The following OR51B5 variants were observed in gnomAD, a reference collection of about 807,000 sequenced individuals.
OR51B5 encodes olfactory receptor 51B5.
For missense variants in OR51B5, 456 were observed against 374.6 expected (o/e 1.22, Z -1.79); for synonymous variants, 186 against 144.8 (o/e 1.28, Z -2.04).
At chr11:5,348,125 T>C (rs1460017407), upstream of OR51B5, among the ~76,000 whole-genome samples, 1 of 152,142 alleles carries the variant, frequency 6.6e-6, no homozygotes, top group Non-Finnish European at 1.5e-5. Context: ...AGAGTAGATA[T>C]ATGTAGTAGG....
chr11:5,465,515 A>C (rs1424412462), intron 1 of OR51B5, among the ~76,000 whole-genome samples: 1 of 151,716 alleles, frequency 6.6e-6, no homozygotes, highest in African/African-American at 2.4e-5. Flanking sequence ...TCCTAAGCCA[A>C]AAGAACAAAG....
At chr11:5,346,549 G>C (rs1848993880), upstream of OR51B5, among the ~76,000 whole-genome samples, 1 of 152,162 alleles carries the variant, frequency 6.6e-6, no homozygotes, top group South Asian at 2.1e-4. Context: ...TAGAATAAGA[G>C]GTGCCTTCCT....
At chr11:5,399,781 CAAGA>C (rs1849939565) in intron 1 of OR51B5, among the ~76,000 whole-genome samples, 1 of 147,956 alleles carries the variant, frequency 6.8e-6, no homozygotes, top group Non-Finnish European at 1.5e-5. Flanking sequence ...AAAAAAAATG[CAAGA>C]AAGAAAAAAA....
intron 1 of OR51B5, among the ~76,000 whole-genome samples, chr11:5,376,448 G>C (rs1849529418): frequency 1.3e-5 from 2 of 151,974 alleles, no homozygotes; most frequent in Admixed American, 1.3e-4. Context: ...CAGAAGTCAA[G>C]AAATAACTAA....
At chr11:5,432,905 C>A (rs543232236) in intron 1 of OR51B5, among the ~76,000 whole-genome samples, 1 of 152,226 alleles carries the variant, frequency 6.6e-6, no homozygotes, top group African/African-American at 2.4e-5. Context: ...TGAGTTTTAG[C>A]TTTGACAACG....
upstream of OR51B5, among the ~76,000 whole-genome samples, chr11:5,344,278 A>G (rs751051638): frequency 7.2e-5 from 11 of 152,236 alleles, no homozygotes; most frequent in Admixed American, 6.5e-5. Flanking sequence ...CATCACTTAT[A>G]ATAGTGTATC....
chr11:5,427,150 C>A (rs1020556322), intron 1 of OR51B5, among the ~76,000 whole-genome samples: 1 of 150,838 alleles, frequency 6.6e-6, no homozygotes, highest in Non-Finnish European at 1.5e-5. Flanking sequence ...TTCTCCTTCT[C>A]CCCTATGAAG....
In OR51B5 at chr11:5,493,281, C is replaced by T. The variant is rs184531212; in HGVS notation, n.84+12288G>A. ...TTCTGAGACCTCAAGCTTGAGAAATCGATCTACCTGATTCTAAAGAGACAT... is the reference window on the plus strand; with the variant it reads ...TTCTGAGACCTCAAGCTTGAGAAATTGATCTACCTGATTCTAAAGAGACAT... On this transcript the variant is annotated intron_variant and non_coding_transcript_variant, in intron 1 of 4. Coordinates refer to the OR51B5 transcript ENST00000415970. 6.2e-3 allele frequency among the ~76,000 whole-genome samples: 943 copies of T among 152,218 alleles called. 9 individuals carry two copies. The highest frequency in any genetic ancestry group is 0.021 in the African/African-American group (890 of 41,532).
rs193014368 is a variant in OR51B5, at chr11:5,466,657, T to C, written n.84+38912A>G. Among the ~76,000 whole-genome samples the C allele has an allele frequency of 1.1e-3, 175 of 152,376 alleles. 1 individual carries two copies. Among genetic ancestry groups the C allele is most frequent in the African/African-American group, 4.0e-3 (165 of 41,590 alleles). ...AGCACATATCTCTTTTTTGTCTCTC[T>C]ATATAAGTAAGTATAGCTTTCTGGG... On this transcript the variant is annotated intron_variant and non_coding_transcript_variant, in intron 1 of 4. Coordinates refer to the OR51B5 transcript ENST00000415970.
chr11:5,453,729 G>A (rs1477746786), intron 1 of OR51B5: 7 of 1,614,138 alleles, frequency 4.3e-6, no homozygotes, highest in Non-Finnish European at 5.9e-6. Context: ...ACTGCCCACT[G>A]TACTCCGAAC....
intron 1 of OR51B5, among the ~76,000 whole-genome samples, chr11:5,466,820 G>A (rs1037130732): frequency 2.0e-5 from 3 of 152,172 alleles, no homozygotes; most frequent in Non-Finnish European, 2.9e-5. Flanking sequence ...GTGTCAGAGC[G>A]AAGTCTGGTC....
intron 1 of OR51B5, among the ~76,000 whole-genome samples, chr11:5,386,266 T>C (rs1477981481): frequency 6.6e-6 from 1 of 150,970 alleles, no homozygotes; most frequent in Non-Finnish European, 1.5e-5. Context: ...AAAAGATGGG[T>C]TTGGAAAGGT....
intron 1 of OR51B5, among the ~76,000 whole-genome samples, chr11:5,421,531 T>C (rs1262710754): frequency 6.6e-6 from 1 of 152,256 alleles, no homozygotes; most frequent in African/African-American, 2.4e-5. Context: ...CTATTTCCTC[T>C]CTTTCTCTTC....
At chr11:5,423,763 A>T (rs974960772) in intron 1 of OR51B5, among the ~76,000 whole-genome samples, 1 of 152,172 alleles carries the variant, frequency 6.6e-6, no homozygotes, top group Non-Finnish European at 1.5e-5. Context: ...CCTAATAAAC[A>T]CTCAGCAAGC....
At chr11:5,389,602 C>G in intron 1 of OR51B5, 1 of 1,613,870 alleles carries the variant, frequency 6.2e-7, no homozygotes, top group Non-Finnish European at 8.5e-7. Context: ...CTCGTCTGCA[C>G]ACACCCATGT....
At chr11:5,345,559 CT>C (rs1472129838), upstream of OR51B5, among the ~76,000 whole-genome samples, 4 of 152,134 alleles carry the variant, frequency 2.6e-5, no homozygotes, top group African/African-American at 9.7e-5. Context: ...TACATATTCA[CT>C]TGTGAGGAAA....
chr11:5,433,605 A>T (rs1850560015), intron 1 of OR51B5, among the ~76,000 whole-genome samples: 2 of 152,186 alleles, frequency 1.3e-5, no homozygotes, highest in Non-Finnish European at 2.9e-5. Context: ...GAATACAAAG[A>T]GCTATGACCT....
At chr11:5,490,139 G>A (rs888134821) in intron 1 of OR51B5, among the ~76,000 whole-genome samples, 6 of 152,202 alleles carry the variant, frequency 3.9e-5, no homozygotes, top group Non-Finnish European at 8.8e-5. Flanking sequence ...CCTTGAGCAT[G>A]TTTGAAATGT....
chr11:5,344,812 A>G (rs1848964899), upstream of OR51B5, among the ~76,000 whole-genome samples: 1 of 152,208 alleles, frequency 6.6e-6, no homozygotes, highest in South Asian at 2.1e-4. Flanking sequence ...AATAAATAAG[A>G]CAATTTTAAA....
Sources: gnomAD v4.1 joint callset for allele counts (sites outside exome capture counted in the v4.1 genomes callset) on GRCh38, gnomAD v4.1.1 for gene constraint, MANE v1.5 for transcripts, NCBI Gene and HGNC (gene_info 2026-07-23, HGNC 2026-07-21) for gene names.